The following STAU2 variants were observed in gnomAD, a reference collection of about 807,000 sequenced individuals.
STAU2 encodes the protein staufen double-stranded RNA binding protein 2, also known as double-stranded RNA-binding protein Staufen homolog 2.
Under a neutral mutation model 65.9 loss-of-function variants are expected in STAU2, and 20 were observed. That is an observed-to-expected ratio of 0.30 (90% confidence interval 0.21 to 0.44). The LOEUF is 0.44. STAU2 is among the 20% of genes least tolerant of loss of function. The pLI is 1.00. For synonymous variants in STAU2, 232 were observed against 233.9 expected (o/e 0.99, Z 0.07); for missense variants, 558 against 683.9 (o/e 0.82, Z 2.05).
At chr8:73,487,200 G>A (rs1415674531) in intron 13 of STAU2, among the ~76,000 whole-genome samples, 1 of 152,066 alleles carries the variant, frequency 6.6e-6, no homozygotes, top group African/African-American at 2.4e-5. Context: ...CTGTGGGTCA[G>A]TTAGGAAAAT....
chr8:73,673,301 C>A, intron 5 of STAU2, 59 bp from the exon 6 acceptor site: 1 of 1,435,984 alleles, frequency 7.0e-7, no homozygotes, highest in Non-Finnish European at 9.2e-7. Context: ...ATTAAACATG[C>A]AAGCTATATT....
chr8:73,644,622 CA>C (rs1248285997), intron 6 of STAU2, among the ~76,000 whole-genome samples: 1 of 151,814 alleles, frequency 6.6e-6, no homozygotes, highest in Non-Finnish European at 1.5e-5. Context: ...AAACTGGAAA[CA>C]GAAAAAAACT....
intron 13 of STAU2, among the ~76,000 whole-genome samples, chr8:73,503,008 CT>C (rs1278943097): frequency 6.6e-6 from 1 of 152,038 alleles, no homozygotes; most frequent in East Asian, 1.9e-4. Flanking sequence ...CTGCAATCTC[CT>C]TTCAAAAGCA....
chr8:73,458,092 T>C (rs879222250), intron 13 of STAU2, among the ~76,000 whole-genome samples: 2 of 152,370 alleles, frequency 1.3e-5, no homozygotes, highest in Admixed American at 1.3e-4. Flanking sequence ...CCCATTAAAA[T>C]CTACCCTTAA....
chr8:73,658,672 T>A (rs1816572777), intron 6 of STAU2, among the ~76,000 whole-genome samples: 1 of 151,964 alleles, frequency 6.6e-6, no homozygotes, highest in Non-Finnish European at 1.5e-5. Context: ...CCCAGCACTT[T>A]GGGAGCCCGA....
At position 73,449,619 on chromosome 8, in the gene STAU2, G is replaced by A. The variant is rs144813884; in HGVS notation, c.1531-26917C>T. Among the ~76,000 whole-genome samples the A allele has an allele frequency of 7.1e-3, 1,077 of 152,290 alleles. 5 individuals carry two copies. Among genetic ancestry groups the A allele is most frequent in the Non-Finnish European group, 9.4e-3 (636 of 68,016 alleles). ...CACCAACTGGAACCAGGGCAGCAGCGAGCTCAGATTTGTTTTTGGAAGGCC... is the reference window on the plus strand; with the variant it reads ...CACCAACTGGAACCAGGGCAGCAGCAAGCTCAGATTTGTTTTTGGAAGGCC... On this transcript the variant is annotated intron_variant, in intron 13 of 14. Coordinates refer to ENST00000524300, the MANE Select transcript of STAU2 (RefSeq NM_001164380.2).
At chr8:73,508,414 A>C (rs1325987525) in intron 13 of STAU2, among the ~76,000 whole-genome samples, 1 of 152,216 alleles carries the variant, frequency 6.6e-6, no homozygotes, top group Non-Finnish European at 1.5e-5. Context: ...GTGAGAACAC[A>C]CAGAACATTT....
intron 13 of STAU2, among the ~76,000 whole-genome samples, chr8:73,522,177 CAA>C (rs1195102690): frequency 2.0e-5 from 3 of 151,946 alleles, no homozygotes; most frequent in Non-Finnish European, 4.4e-5. Flanking sequence ...AAAAAGGAAA[CAA>C]AGATAGGGAA....
At chr8:73,578,609 C>T (rs956529612) in intron 12 of STAU2, among the ~76,000 whole-genome samples, 1 of 152,124 alleles carries the variant, frequency 6.6e-6, no homozygotes, top group Non-Finnish European at 1.5e-5. Context: ...CCCATTGCTC[C>T]CAATTGCTTC....
At chr8:73,727,676 T>C (rs1340436892) in intron 3 of STAU2, 1 of 152,238 alleles carries the variant, frequency 6.6e-6, no homozygotes, top group Admixed American at 6.5e-5. Context: ...GCTATGAACA[T>C]GTGTGGTCAT....
intron 13 of STAU2, among the ~76,000 whole-genome samples, chr8:73,431,903 A>G (rs1563586784): frequency 3.3e-5 from 5 of 152,228 alleles, no homozygotes. Context: ...ACGACAATGT[A>G]GCAGCATTCG....
intron 4 of STAU2, among the ~76,000 whole-genome samples, chr8:73,705,808 G>C (rs1037730549): frequency 1.9e-4 from 29 of 152,124 alleles, no homozygotes; most frequent in Non-Finnish European, 3.1e-4. Flanking sequence ...TCATGTAAAC[G>C]TAAGATAGGT....
chr8:73,714,163 G>A (rs1313851085), intron 3 of STAU2, among the ~76,000 whole-genome samples: 6 of 152,000 alleles, frequency 3.9e-5, no homozygotes, highest in Admixed American at 6.6e-5. Context: ...TCAGCCTCCC[G>A]AAGTGGTGGG....
chr8:73,571,242 A>G (rs529672186), intron 12 of STAU2, among the ~76,000 whole-genome samples: 38 of 152,344 alleles, frequency 2.5e-4, no homozygotes, highest in African/African-American at 8.4e-4. Context: ...CCAGATTCAT[A>G]AAGCAAGACC....
At chr8:73,706,129 T>A (rs1345536290) in intron 4 of STAU2, among the ~76,000 whole-genome samples, 1 of 152,148 alleles carries the variant, frequency 6.6e-6, no homozygotes, top group Non-Finnish European at 1.5e-5. Flanking sequence ...AAAAAATTTT[T>A]TTTTTGAGAC....
chr8:73,461,053 G>T (rs776553729), intron 13 of STAU2, among the ~76,000 whole-genome samples: 1 of 152,100 alleles, frequency 6.6e-6, no homozygotes, highest in Non-Finnish European at 1.5e-5. Flanking sequence ...AAGTTCTTTC[G>T]AATGTATTGG....
chr8:73,595,256 A>T lies in STAU2; in HGVS notation c.1071T>A (p.Asn357Lys). Residue 357 changes from asparagine to lysine, a missense_variant, in exon 11 of 15, where the codon AAT (asparagine) becomes AAA (lysine). Around this residue, in one of 3 missense-constraint regions of STAU2, gnomAD observed 247 missense variants for 270.1 expected, o/e 0.91. Transcript: ENST00000524300. Reference protein sequence around the residue: ...GNEVATGTGPNKKIAKKNAAE... With the variant: ...GNEVATGTGPKKKIAKKNAAE... ...CAGCATTTTTTTTGGCTATCTTTTTATTAGGTCCTGTTCCTGTAGCAACTT... is the reference window on the plus strand; with the variant it reads ...CAGCATTTTTTTTGGCTATCTTTTTTTTAGGTCCTGTTCCTGTAGCAACTT... 1 of 1,612,134 alleles carries T rather than the reference A, an allele frequency of 6.2e-7. No homozygotes were observed. The highest frequency in any genetic ancestry group is 2.2e-5 in the East Asian group (1 of 44,670).
chr8:73,656,586 G>A lies in STAU2; in HGVS notation c.410+16521C>T, dbSNP rs149444118. ...AGTTTAATTTTATATAGTCCAAAAG[G>A]GTAGAAAACATCAAAATATTGTTAA... On this transcript the variant is annotated intron_variant, in intron 6 of 14. Transcript: ENST00000524300. Among the ~76,000 whole-genome samples the A allele has an allele frequency of 4.6e-5, 7 of 152,168 alleles. 1 individual carries two copies. In the East Asian group the frequency reaches 1.4e-3, roughly 29 times the overall value.
chr8:73,468,446 T>C (rs762406947), intron 13 of STAU2, among the ~76,000 whole-genome samples: 6 of 152,100 alleles, frequency 3.9e-5, no homozygotes, highest in Non-Finnish European at 7.4e-5. Flanking sequence ...AAAGCCAAAA[T>C]TGACAAATGG....
Sources: gnomAD v4.1 joint callset for allele counts (sites outside exome capture counted in the v4.1 genomes callset) on GRCh38, gnomAD v4.1.1 for gene constraint, gnomAD v4.1.1 regional missense constraint, MANE v1.5 for transcripts, NCBI Gene and HGNC (gene_info 2026-07-23, HGNC 2026-07-21) for gene names.